Variants in PIM3 observed in about 807,000 individuals in gnomAD.
The protein encoded by PIM3 is Pim-3 proto-oncogene, serine/threonine kinase, also known as serine/threonine-protein kinase pim-3.
Under a neutral mutation model 27.5 loss-of-function variants are expected in PIM3, and 13 were observed. That is an observed-to-expected ratio of 0.47 (90% CI 0.31 to 0.75). The LOEUF (loss-of-function observed/expected upper bound fraction) is 0.75, where lower values mean the gene tolerates loss of function less well. Ranked by LOEUF, PIM3 falls within the 30% of genes least tolerant of loss-of-function variation. The pLI is 0.05. For synonymous variants in PIM3, 341 were observed against 221.1 expected, an observed-to-expected ratio of 1.54 and a Z score of -4.81; for missense variants, 482 against 476.9, an observed-to-expected ratio of 1.01 and a Z score of -0.10.
At chr22:49,961,932 C>T (rs904651322) in intron 4 of PIM3, 121 bp downstream of exon 4, 13 of 1,431,354 alleles carry the variant, frequency 9.1e-6, no homozygotes, top group Admixed American at 2.4e-5. Flanking sequence ...GGTCTGCTCT[C>T]GTGGGGAGCA....
Position 49,963,338 on chromosome 22 carries a change from G to A in PIM3, c.*211G>A. 7 of 568,340 alleles carry A rather than the reference G, an allele frequency of 1.2e-5. No homozygotes were observed. The highest frequency in any genetic ancestry group is 1.8e-5 in the Non-Finnish European group (6 of 334,400). 35.2% of individuals were successfully genotyped at this position (568,340 alleles called of 1,614,324 possible). A position where few individuals can be genotyped will look rare whatever the true frequency, so the allele number is the denominator to read the frequency against. ...CTGTCTGTCCAAAGACGCTCCGGTC[G>A]AGGTCCCGCCTGCCCTGGGTGGATA... On this transcript the variant is annotated 3_prime_UTR_variant, in exon 6 of 6. Transcript: ENST00000360612.
Position 49,961,155 on chromosome 22 carries a change from C to A in PIM3, c.116C>A (p.Ala39Glu). The A allele has an allele frequency of 6.5e-7, 1 of 1,527,132 alleles. No individual in the cohort carries two copies. The highest frequency in any genetic ancestry group is 2.1e-4 in the Middle Eastern group (1 of 4,782). The allele number at this position is 1,527,132 out of a possible 1,614,324, so 94.6% of individuals were successfully genotyped here. A position where few individuals can be genotyped will look rare whatever the true frequency, so the allele number is the denominator to read the frequency against. The change falls in exon 2 of 6, where the codon GCG becomes GAG. Residue 39 changes from alanine (A) to glutamate (E), a missense_variant. Coordinates refer to ENST00000360612, the MANE Select transcript of PIM3 (RefSeq NM_001001852.4). ...GCGGACAAGGAGAGCTTCGAGAAGG[C>A]GTACCAGGTGGGCGCCGTGCTGGGT... ...AKADKESFEKAYQVGAVLGSG... is the reference protein window; with the variant it reads ...AKADKESFEKEYQVGAVLGSG...
rs775731295 is a variant in PIM3, at chr22:49,961,558, G to C, written c.363G>C (p.Leu121=). 13 of 1,545,694 alleles carry C rather than the reference G, an allele frequency of 8.4e-6. No individual in the cohort carries two copies. The highest frequency in any genetic ancestry group is 2.7e-5 in the African/African-American group (2 of 72,732). ...TCGAGCGGCCCGACGGCTTCCTGCT[G>C]GTGCTGGAGCGGCCCGAGCCGGCGC... ...DWFERPDGFL[L]VLERPEPAQD... is the part of the protein sequence containing the mutation. The change falls in exon 4 of 6, where the codon CTG becomes CTC. Residue 121 remains leucine (L), a synonymous_variant. Coordinates refer to ENST00000360612, the MANE Select transcript of PIM3 (RefSeq NM_001001852.4).
chr22:49,960,791 C>T lies in PIM3; in HGVS notation c.-157C>T, dbSNP rs915232029. On this transcript the variant is annotated 5_prime_UTR_variant, in exon 1 of 6. Transcript: ENST00000360612. ...CGGGGCGGGTGAGGCGCTCCGCCTG[C>T]TGCGCGTCTACGCGGTCCCCGCGGG... is the stretch of plus-strand genomic sequence containing the variant. 4 of 293,690 alleles carry T rather than the reference C, an allele frequency of 1.4e-5. No individual in the cohort carries two copies. The highest frequency in any genetic ancestry group is 2.3e-5 in the African/African-American group (1 of 43,654). 18.2% of individuals were successfully genotyped at this position (293,690 alleles called of 1,614,324 possible).
chr22:49,962,677 G>A lies in PIM3; in HGVS notation c.617-12G>A. The A allele has an allele frequency of 6.2e-7, 1 of 1,605,706 alleles. No individual in the cohort carries two copies. Among genetic ancestry groups the A allele is most frequent in the Non-Finnish European group, 8.5e-7 (1 of 1,176,758 alleles). On this transcript the variant is annotated splice_polypyrimidine_tract_variant and intron_variant, in intron 4 of 5. Coordinates refer to ENST00000360612, the MANE Select transcript of PIM3 (RefSeq NM_001001852.4). ...CTCTGTGGTGGGCGTGCTAAGCCCT[G>A]TGTCCCCTTAGGCACCCGAGTGTAC...
Position 49,961,380 on chromosome 22 carries a change from C to T in PIM3, c.246+12C>T, listed in dbSNP as rs745898875. 7.4e-6 allele frequency: 11 copies of T among 1,480,620 alleles called. No homozygotes were observed. In the South Asian group the frequency reaches 9.5e-5, roughly 13 times the overall value. 91.7% of individuals were successfully genotyped at this position (1,480,620 alleles called of 1,614,324 possible). On this transcript the variant is annotated intron_variant, in intron 3 of 5. Coordinates refer to ENST00000360612, the MANE Select transcript of PIM3 (RefSeq NM_001001852.4). ...AGTGGGGCAGCCTGGTAAGTTGGGG[C>T]ACGGGCGGCGGCGGCGGCGGGGGGC... is the stretch of plus-strand genomic sequence containing the variant.
chr22:49,961,040 CG>C lies in PIM3; in HGVS notation c.85+12del, dbSNP rs746563023. On this transcript the variant is annotated intron_variant, in intron 1 of 5. Coordinates refer to ENST00000360612, the MANE Select transcript of PIM3 (RefSeq NM_001001852.4). ...TGAAGATCCTGCAGCCAGGTACGCG[CG>C]GGGCCGGCGGGGCCGGGGCCGGGGC... 17 of 1,345,164 alleles carry C rather than the reference CG, an allele frequency of 1.3e-5. No homozygotes were observed. In the East Asian group the frequency reaches 4.5e-4, roughly 36 times the overall value. The allele number at this position is 1,345,164 out of a possible 1,614,324, so 83.3% of individuals were successfully genotyped here. A position where few individuals can be genotyped will look rare whatever the true frequency, so the allele number is the denominator to read the frequency against.
chr22:49,960,987 G>C lies in PIM3; in HGVS notation c.40G>C (p.Gly14Arg). 1 of 1,394,290 alleles carries C rather than the reference G, an allele frequency of 7.2e-7. No individual in the cohort carries two copies. The highest frequency in any genetic ancestry group is 9.4e-7 in the Non-Finnish European group (1 of 1,065,148). 86.4% of individuals were successfully genotyped at this position (1,394,290 alleles called of 1,614,324 possible). The change falls in exon 1 of 6, where the codon GGG (glycine) becomes CGG (arginine). Residue 14 changes from glycine to arginine, a missense_variant. Transcript: ENST00000360612. ...SKFGSLAHLC[G>R]PGGVDHLPVK... ...GTTCGGCTCCCTGGCGCACCTCTGC[G>C]GGCCCGGCGGCGTGGACCACCTCCC...
chr22:49,962,934 G>T lies in PIM3; in HGVS notation c.794-6G>T. On this transcript the variant is annotated splice_region_variant and splice_polypyrimidine_tract_variant and intron_variant, in intron 5 of 5. Transcript: ENST00000360612. ...GGGCCCTCCCTGACCTCTCCGCTCC[G>T]CACAGAGTGCCAGCAGCTGATCCGG... is the stretch of plus-strand genomic sequence containing the variant. The T allele has an allele frequency of 2.5e-6, 4 of 1,602,042 alleles. No homozygotes were observed. The highest frequency in any genetic ancestry group is 2.5e-6 in the Non-Finnish European group (3 of 1,177,126).
At chr22:49,962,060 C>T (rs923481445) in intron 4 of PIM3, among the ~76,000 whole-genome samples, 4 of 152,058 alleles carry the variant, frequency 2.6e-5, no homozygotes, top group Admixed American at 6.5e-5. Flanking sequence ...GGGTACGGGG[C>T]CTCTTGCCCC....
chr22:49,961,024 TG>T lies in PIM3; in HGVS notation c.78del (p.Gln27SerfsTer42). On this transcript the variant is annotated frameshift_variant, in exon 1 of 6. Transcript: ENST00000360612. LOFTEE classifies it high-confidence loss of function. ...GGVDHLPVKILQPAKADKESF... is the reference protein window; with the variant it reads ...GGVDHLPVKIXQPAKADKESF... ...GTGGACCACCTCCCGGTGAAGATCC[TG>T]CAGCCAGGTACGCGCGGGGCCGGCG... The T allele has an allele frequency of 7.3e-7, 1 of 1,377,272 alleles. No homozygotes were observed. Among genetic ancestry groups the T allele is most frequent in the Non-Finnish European group, 9.5e-7 (1 of 1,054,724 alleles). The allele number at this position is 1,377,272 out of a possible 1,614,324, so 85.3% of individuals were successfully genotyped here.
At chr22:49,962,396 C>T (rs2060912884) in intron 4 of PIM3, among the ~76,000 whole-genome samples, 1 of 147,634 alleles carries the variant, frequency 6.8e-6, no homozygotes, top group Non-Finnish European at 1.5e-5. Flanking sequence ...GTAAGGGACC[C>T]GCGCTGTCCC....
chr22:49,960,838 C>A lies in PIM3; in HGVS notation c.-110C>A. On this transcript the variant is annotated 5_prime_UTR_variant, in exon 1 of 6. Coordinates refer to ENST00000360612, the MANE Select transcript of PIM3 (RefSeq NM_001001852.4). ...CGGGCCTTCCGGGCCCACTGCGCCGCGCGGACCGCCTCGGGCTCGGACGGC... is the reference window on the plus strand; with the variant it reads ...CGGGCCTTCCGGGCCCACTGCGCCGAGCGGACCGCCTCGGGCTCGGACGGC... 1.3e-6 allele frequency: 1 copy of A among 779,734 alleles called. No individual in the cohort carries two copies. The highest frequency in any genetic ancestry group is 1.6e-6 in the Non-Finnish European group (1 of 623,626). 48.3% of individuals were successfully genotyped at this position (779,734 alleles called of 1,614,324 possible).
In PIM3 at chr22:49,961,347, G is replaced by A; in HGVS notation, c.225G>A (p.Arg75=). 6.5e-7 allele frequency: 1 copy of A among 1,536,856 alleles called. No homozygotes were observed. The highest frequency in any genetic ancestry group is 8.7e-7 in the Non-Finnish European group (1 of 1,146,998). ...CTGTGAAGCACGTGGTGAAGGAGCG[G>A]GTGACCGAGTGGGGCAGCCTGGTAA... ...PVAVKHVVKE[R]VTEWGSLGGA... The change falls in exon 3 of 6, where the codon CGG becomes CGA. Residue 75 remains arginine, a synonymous_variant. Transcript: ENST00000360612.
intron 4 of PIM3, 33 bp downstream of exon 4, chr22:49,961,844 G>C: frequency 1.2e-6 from 2 of 1,607,318 alleles, no homozygotes; most frequent in Non-Finnish European, 1.7e-6. Flanking sequence ...GAACGTTCCG[G>C]GGGCCTTGCC....
In PIM3 at chr22:49,961,919, C is replaced by T. The variant is rs531723882; in HGVS notation, c.616+108C>T. On this transcript the variant is annotated intron_variant, in intron 4 of 5. Transcript: ENST00000360612. ...GATGACTGTTGGGCGGCCGCGCGCC[C>T]TGGGTCTGCTCTCGTGGGGAGCAGA... is the stretch of plus-strand genomic sequence containing the variant. 300 of 1,487,796 alleles carry T rather than the reference C, an allele frequency of 2.0e-4. 1 individual carries two copies. The African/African-American group carries it at 3.6e-3, about 18-fold the overall frequency. 92.2% of individuals were successfully genotyped at this position (1,487,796 alleles called of 1,614,324 possible). A position where few individuals can be genotyped will look rare whatever the true frequency, so the allele number is the denominator to read the frequency against.
At position 49,962,685 on chromosome 22, in the gene PIM3, T is replaced by C; in HGVS notation, c.617-4T>C. On this transcript the variant is annotated splice_region_variant and splice_polypyrimidine_tract_variant and intron_variant, in intron 4 of 5. Coordinates refer to ENST00000360612, the MANE Select transcript of PIM3 (RefSeq NM_001001852.4). ...TGGGCGTGCTAAGCCCTGTGTCCCC[T>C]TAGGCACCCGAGTGTACAGCCCCCC... The C allele has an allele frequency of 6.2e-7, 1 of 1,608,026 alleles. No individual in the cohort carries two copies. The highest frequency in any genetic ancestry group is 1.1e-5 in the South Asian group (1 of 90,562).
At position 49,963,287 on chromosome 22, in the gene PIM3, C is replaced by T. The variant is rs918427693; in HGVS notation, c.*160C>T. The T allele has an allele frequency of 1.0e-5, 8 of 784,156 alleles. No individual in the cohort carries two copies. Among genetic ancestry groups the T allele is most frequent in the South Asian group, 2.0e-5 (1 of 49,890 alleles). The allele number at this position is 784,156 out of a possible 1,614,324, so 48.6% of individuals were successfully genotyped here. A position where few individuals can be genotyped will look rare whatever the true frequency, so the allele number is the denominator to read the frequency against. ...CTTTGAGTGCCTTTTGAACGCTGGT[C>T]CCGCGGGACTTGGTTTTCTCAAGCT... On this transcript the variant is annotated 3_prime_UTR_variant, in exon 6 of 6. Transcript: ENST00000360612.
chr22:49,960,838 C>T lies in PIM3; in HGVS notation c.-110C>T. The T allele has an allele frequency of 1.3e-6, 1 of 779,734 alleles. No individual in the cohort carries two copies. Among genetic ancestry groups the T allele is most frequent in the East Asian group, 7.9e-5 (1 of 12,712 alleles). The allele number at this position is 779,734 out of a possible 1,614,324, so 48.3% of individuals were successfully genotyped here. ...CGGGCCTTCCGGGCCCACTGCGCCG[C>T]GCGGACCGCCTCGGGCTCGGACGGC... On this transcript the variant is annotated 5_prime_UTR_variant, in exon 1 of 6. Transcript: ENST00000360612.
Sources: allele counts gnomAD v4.1 joint callset (sites outside exome capture counted in the v4.1 genomes callset), GRCh38; gene constraint gnomAD v4.1.1; transcripts MANE v1.5; gene names NCBI Gene and HGNC (gene_info 2026-07-23, HGNC 2026-07-21).